The following CEP192 variants were observed in gnomAD, a reference collection of about 807,000 sequenced individuals.
CEP192 encodes centrosomal protein of 192 kDa.
In CEP192, 151 loss-of-function variants were observed where a neutral mutation model predicts 271.8. The ratio of observed to expected loss-of-function variants is 0.56; its 90% CI spans 0.49 to 0.64. CEP192 has a LOEUF of 0.64. Among genes scored for constraint, CEP192 ranks in the 30% least tolerant of loss-of-function variants. The pLI, the probability that CEP192 is intolerant of heterozygous loss-of-function variation, is 0.00. For synonymous variants in CEP192, 995 were observed against 1,076.5 expected (o/e 0.92, Z 1.48); for missense variants, 2,910 against 3,020.5 (o/e 0.96, Z 0.86).
chr18:13,051,888 G>A (rs1426797951), intron 17 of CEP192, among the ~76,000 whole-genome samples: 2 of 152,202 alleles, frequency 1.3e-5, no homozygotes, highest in Admixed American at 1.3e-4. Context: ...TGAATTTTCT[G>A]TGTACGTCCA....
intron 30 of CEP192, among the ~76,000 whole-genome samples, chr18:13,084,683 C>T (rs1382156544): frequency 6.6e-6 from 1 of 152,162 alleles, no homozygotes. Flanking sequence ...GTTGCAAATC[C>T]AGAAATCACC....
At position 13,071,015 on chromosome 18, in the gene CEP192, A is replaced by G. The variant is rs767932445; in HGVS notation, c.5175-24A>G. On this transcript the variant is annotated intron_variant, in intron 27 of 44. Transcript: ENST00000506447. ...GAAAAGAATTGAATACAGGACCTTC[A>G]ACTTAGAATTCTTTCTTTCTTAGGA... is the stretch of plus-strand genomic sequence containing the variant. 1.4e-5 allele frequency: 23 copies of G among 1,600,516 alleles called. No individual in the cohort carries two copies. The East Asian group carries it at 4.2e-4, about 29-fold the overall frequency.
intron 9 of CEP192, among the ~76,000 whole-genome samples, chr18:13,025,613 G>A (rs2035250183): frequency 6.6e-6 from 1 of 152,082 alleles, no homozygotes; most frequent in South Asian, 2.1e-4. Flanking sequence ...TTTAGTGGTT[G>A]CTCTAGAGTT....
At chr18:13,029,388 G>A (rs2035485338) in intron 9 of CEP192, among the ~76,000 whole-genome samples, 1 of 152,316 alleles carries the variant, frequency 6.6e-6, no homozygotes, top group African/African-American at 2.4e-5. Flanking sequence ...CTATCATCCT[G>A]TAATGTAATG....
chr18:13,050,016 T>A, intron 17 of CEP192, 125 bp downstream of exon 17: 1 of 735,978 alleles, frequency 1.4e-6, no homozygotes, highest in Non-Finnish European at 2.1e-6. Context: ...TTGTAAGCTG[T>A]GAATTTCTTT....
In CEP192 at chr18:13,051,955, C is replaced by G. The variant is rs111366046; in HGVS notation, c.3018-964C>G. ...AAAAAGAAAGATGGTGGAATCCATCCAAGTGAAGGGCTGAATTCAAGCTAA... is the reference window on the plus strand; with the variant it reads ...AAAAAGAAAGATGGTGGAATCCATCGAAGTGAAGGGCTGAATTCAAGCTAA... On this transcript the variant is annotated intron_variant, in intron 17 of 44. Coordinates refer to ENST00000506447, the MANE Select transcript of CEP192 (RefSeq NM_032142.4). Among the ~76,000 whole-genome samples, 218 of 152,308 alleles carry G rather than the reference C, an allele frequency of 1.4e-3. 1 individual carries two copies. The Middle Eastern group carries it at 0.02, about 14-fold the overall frequency.
chr18:13,031,543 G>A (rs910743604), intron 11 of CEP192, among the ~76,000 whole-genome samples: 3 of 152,070 alleles, frequency 2.0e-5, no homozygotes, highest in Admixed American at 6.5e-5. Flanking sequence ...CACCGCGCCC[G>A]GCCACCTGGC....
chr18:13,052,583 TC>T (rs1270185391), intron 17 of CEP192, among the ~76,000 whole-genome samples: 1 of 152,234 alleles, frequency 6.6e-6, no homozygotes, highest in Non-Finnish European at 1.5e-5. Context: ...TGATTTTTTT[TC>T]CTCTTTGCTC....
intron 21 of CEP192, among the ~76,000 whole-genome samples, chr18:13,067,090 G>T (rs2037747829): frequency 6.6e-6 from 1 of 151,948 alleles, no homozygotes; most frequent in Non-Finnish European, 1.5e-5. Context: ...AATAATAAAA[G>T]GGGTAGTTGC....
chr18:13,065,858 C>T (rs1318594457), intron 21 of CEP192, among the ~76,000 whole-genome samples: 1 of 152,182 alleles, frequency 6.6e-6, no homozygotes, highest in Non-Finnish European at 1.5e-5. Flanking sequence ...TAGAACTAAT[C>T]TCATCACACA....
intron 15 of CEP192, among the ~76,000 whole-genome samples, chr18:13,042,901 G>A (rs923620661): frequency 2.0e-5 from 3 of 152,216 alleles, no homozygotes; most frequent in African/African-American, 7.2e-5. Flanking sequence ...AATGCTCCAT[G>A]AACAGCCTAG....
Position 13,072,190 on chromosome 18 carries a change from G to A in CEP192, c.5349-565G>A, listed in dbSNP as rs534910882. Among the ~76,000 whole-genome samples, 4 of 152,278 alleles carry A rather than the reference G, an allele frequency of 2.6e-5. No homozygotes were observed. In the East Asian group the frequency reaches 5.8e-4, roughly 22 times the overall value. On this transcript the variant is annotated intron_variant, in intron 28 of 44. Coordinates refer to ENST00000506447, the MANE Select transcript of CEP192 (RefSeq NM_032142.4). ...ACAGAGATTTACTCATGTATTCTCTGTTCTCCAATGAAGACAGCATTCACA... is the reference window on the plus strand; with the variant it reads ...ACAGAGATTTACTCATGTATTCTCTATTCTCCAATGAAGACAGCATTCACA...
chr18:13,041,687 C>T (rs544376895), intron 14 of CEP192, among the ~76,000 whole-genome samples: 1 of 151,876 alleles, frequency 6.6e-6, no homozygotes, highest in African/African-American at 2.4e-5. Flanking sequence ...ACCTCAGCCT[C>T]CCGAGTAGCT....
chr18:13,096,520 G>C (rs1356227763), intron 36 of CEP192, among the ~76,000 whole-genome samples: 1 of 152,218 alleles, frequency 6.6e-6, no homozygotes, highest in African/African-American at 2.4e-5. Flanking sequence ...TGGTTATGCT[G>C]TCACCCAGGA....
intron 1 of CEP192, among the ~76,000 whole-genome samples, chr18:12,996,926 A>G (rs1386058405): frequency 1.3e-5 from 2 of 152,082 alleles, no homozygotes; most frequent in African/African-American, 4.8e-5. Flanking sequence ...GTGGAACTGG[A>G]TGCCAGTCAT....
At chr18:13,003,120 T>G (rs1458223193) in intron 3 of CEP192, among the ~76,000 whole-genome samples, 1 of 152,064 alleles carries the variant, frequency 6.6e-6, no homozygotes, top group African/African-American at 2.4e-5. Context: ...TTAGGTAGGC[T>G]GAAGGCAGTG....
chr18:13,074,087 C>T (rs1392272897), intron 30 of CEP192, among the ~76,000 whole-genome samples: 1 of 152,038 alleles, frequency 6.6e-6, no homozygotes, highest in Non-Finnish European at 1.5e-5. Context: ...CATGGTTGTG[C>T]ATGCTTTATA....
At chr18:13,003,840 G>A (rs769711960) in intron 3 of CEP192, among the ~76,000 whole-genome samples, 11 of 152,168 alleles carry the variant, frequency 7.2e-5, no homozygotes, top group Non-Finnish European at 1.6e-4. Context: ...AAAAGAGACT[G>A]TAGGAGGCGA....
At chr18:13,092,132 G>A (rs889683425) in intron 33 of CEP192, among the ~76,000 whole-genome samples, 2 of 152,108 alleles carry the variant, frequency 1.3e-5, no homozygotes, top group South Asian at 4.1e-4. Context: ...TAAGTAACTT[G>A]CCAAAAGTCA....
Sources: gnomAD v4.1 joint callset for allele counts (sites outside exome capture counted in the v4.1 genomes callset) on GRCh38, gnomAD v4.1.1 for gene constraint, MANE v1.5 for transcripts, NCBI Gene and HGNC (gene_info 2026-07-23, HGNC 2026-07-21) for gene names.